Variants in CDK14 observed in about 807,000 individuals in gnomAD.
CDK14 encodes the protein cyclin-dependent kinase 14.
Under a neutral mutation model 60.7 loss-of-function variants are expected in CDK14, and 34 were observed. That is an observed-to-expected ratio of 0.56 (90% CI 0.43 to 0.75). The LOEUF is 0.75. Among genes scored for constraint, CDK14 ranks in the 30% least tolerant of loss-of-function variants. CDK14 has a pLI of 0.00. For synonymous variants in CDK14, 197 were observed against 203.7 expected, an observed-to-expected ratio of 0.97 and a Z score of 0.28; for missense variants, 482 against 564.1, an observed-to-expected ratio of 0.85 and a Z score of 1.47.
chr7:90,733,688 G>A lies in CDK14; in HGVS notation c.369+6876G>A, dbSNP rs771075263. On this transcript the variant is annotated intron_variant, in intron 3 of 14. Transcript: ENST00000380050. ...AAATATTCCTCCATCCCTTTATTTT[G>A]AGTGTATGTGTGTCTTTGCACATGA... Among the ~76,000 whole-genome samples, 75 of 152,176 alleles carry A rather than the reference G, an allele frequency of 4.9e-4. No individual in the cohort carries two copies. The Middle Eastern group carries it at 0.01, about 21-fold the overall frequency.
chr7:90,685,667 TTTTTTTTTG>T, intron 2 of CDK14, among the ~76,000 whole-genome samples: 1 of 146,464 alleles, frequency 6.8e-6, no homozygotes, highest in African/African-American at 2.5e-5. Context: ...TTTTTTTTTT[TTTTTTTTTG>T]TAGAGATGAG....
chr7:90,788,728 C>T (rs756073881), intron 4 of CDK14, among the ~76,000 whole-genome samples: 4 of 152,148 alleles, frequency 2.6e-5, no homozygotes, highest in Admixed American at 6.5e-5. Flanking sequence ...CGAAAGCAGA[C>T]CAAATAGATG....
chr7:91,173,083 T>TC (rs1207238020), intron 14 of CDK14, among the ~76,000 whole-genome samples: 2 of 152,218 alleles, frequency 1.3e-5, no homozygotes, highest in Non-Finnish European at 2.9e-5. Flanking sequence ...ATGTCATCTG[T>TC]CCCCATCTTA....
chr7:91,076,948 A>T (rs1043312411), intron 11 of CDK14, among the ~76,000 whole-genome samples: 6 of 152,168 alleles, frequency 3.9e-5, no homozygotes, highest in Non-Finnish European at 7.4e-5. Flanking sequence ...CCATAATGAG[A>T]CCATCTCATG....
intron 2 of CDK14, among the ~76,000 whole-genome samples, chr7:90,641,082 T>G (rs1800316024): frequency 6.6e-6 from 1 of 150,916 alleles, no homozygotes; most frequent in Non-Finnish European, 1.5e-5. Flanking sequence ...AAAATAATGA[T>G]GAGCTATCTA....
chr7:91,139,865 C>T lies in CDK14; in HGVS notation c.*28+21657C>T, dbSNP rs897762103. 3.4e-4 allele frequency among the ~76,000 whole-genome samples: 48 copies of T among 140,186 alleles called. 1 individual carries two copies. The highest frequency in any genetic ancestry group is 1.5e-4 in the Admixed American group (2 of 13,742). 92.0% of individuals were successfully genotyped at this position (140,186 alleles called of 152,430 possible). On this transcript the variant is annotated intron_variant, in intron 14 of 14. Coordinates refer to ENST00000380050, the MANE Select transcript of CDK14 (RefSeq NM_001287135.2). ...TTCTTCCTTTTTTTCTCTTTATTTT[C>T]CCTCTTTCTCTGTCACCTTTCATTT...
Position 90,717,994 on chromosome 7 carries a change from G to T in CDK14, c.124-8573G>T, listed in dbSNP as rs143621268. Among the ~76,000 whole-genome samples, 729 of 151,762 alleles carry T rather than the reference G, an allele frequency of 4.8e-3. 3 individuals are homozygous for T. The highest frequency in any genetic ancestry group is 0.016 in the African/African-American group (657 of 41,378). On this transcript the variant is annotated intron_variant, in intron 2 of 14. Coordinates refer to ENST00000380050, the MANE Select transcript of CDK14 (RefSeq NM_001287135.2). ...ACAAATTCTACAGTAGCTTATATAA[G>T]AATATATAATAACATATATTTCAGT...
At chr7:91,092,650 G>A (rs1401384702) in intron 12 of CDK14, among the ~76,000 whole-genome samples, 1 of 152,204 alleles carries the variant, frequency 6.6e-6, no homozygotes, top group Non-Finnish European at 1.5e-5. Context: ...AACTCCAGAA[G>A]TACTTTAGGC....
At chr7:91,206,083 C>T (rs1049454269) in intron 14 of CDK14, among the ~76,000 whole-genome samples, 1 of 152,288 alleles carries the variant, frequency 6.6e-6, no homozygotes, top group East Asian at 1.9e-4. Context: ...CATGAGCCAC[C>T]GTGCCCGGCC....
Position 90,596,735 on chromosome 7 carries a change from C to T in CDK14, c.91+17C>T. 6.3e-7 allele frequency: 1 copy of T among 1,594,614 alleles called. No homozygotes were observed. Among genetic ancestry groups the T allele is most frequent in the Non-Finnish European group, 8.6e-7 (1 of 1,164,716 alleles). On this transcript the variant is annotated intron_variant, in intron 1 of 14. Transcript: ENST00000380050. ...GTCGCATTGGTGAGTAGCGCGCTGCCCCCGGCCCCCCCAGCGCCCGCTCCC... is the reference window on the plus strand; with the variant it reads ...GTCGCATTGGTGAGTAGCGCGCTGCTCCCGGCCCCCCCAGCGCCCGCTCCC...
At chr7:91,072,654 G>A (rs997102603) in intron 11 of CDK14, among the ~76,000 whole-genome samples, 5 of 152,082 alleles carry the variant, frequency 3.3e-5, no homozygotes, top group Admixed American at 1.3e-4. Flanking sequence ...CAGCAATGGC[G>A]CAGAACTGGA....
intron 2 of CDK14, among the ~76,000 whole-genome samples, chr7:90,678,348 CA>C (rs1173881251): frequency 6.6e-6 from 1 of 152,156 alleles, no homozygotes; most frequent in Non-Finnish European, 1.5e-5. Context: ...AGACCTTTCC[CA>C]GTCACATCAG....
chr7:90,674,393 T>A (rs1178440295), intron 2 of CDK14, among the ~76,000 whole-genome samples: 1 of 152,098 alleles, frequency 6.6e-6, no homozygotes, highest in African/African-American at 2.4e-5. Context: ...TTATCAGTCT[T>A]GAGAGAGGAT....
At chr7:90,971,851 G>A (rs373630795) in intron 9 of CDK14, among the ~76,000 whole-genome samples, 1 of 152,106 alleles carries the variant, frequency 6.6e-6, no homozygotes, top group Admixed American at 6.6e-5. Context: ...CTTTAAGATT[G>A]TTGGGCTTCT....
At chr7:90,671,538 G>A (rs1801098505) in intron 2 of CDK14, among the ~76,000 whole-genome samples, 1 of 152,136 alleles carries the variant, frequency 6.6e-6, no homozygotes, top group Non-Finnish European at 1.5e-5. Flanking sequence ...AGCACAGAAG[G>A]GAAATCTGTG....
At chr7:90,983,411 G>A (rs1223508860) in intron 9 of CDK14, among the ~76,000 whole-genome samples, 1 of 152,162 alleles carries the variant, frequency 6.6e-6, no homozygotes, top group African/African-American at 2.4e-5. Context: ...CATGTGCGGT[G>A]GCTCATGCCT....
intron 10 of CDK14, among the ~76,000 whole-genome samples, chr7:91,037,118 A>G (rs1289255970): frequency 6.6e-6 from 1 of 152,236 alleles, no homozygotes; most frequent in Admixed American, 6.5e-5. Flanking sequence ...CCCATCTTGA[A>G]CGATCAATTA....
chr7:90,613,285 T>A (rs540861229), intron 2 of CDK14, among the ~76,000 whole-genome samples: 151 of 152,344 alleles, frequency 9.9e-4, no homozygotes, highest in African/African-American at 3.6e-3. Flanking sequence ...AGTAGTGTCC[T>A]CTTTCCGTTG....
intron 1 of CDK14, among the ~76,000 whole-genome samples, chr7:90,599,725 A>ATG (rs1563011422): frequency 1.2e-4 from 19 of 152,310 alleles, no homozygotes; most frequent in African/African-American, 4.3e-4. Context: ...CTCTTTAACC[A>ATG]ATCTAAGCTT....
Sources: allele counts gnomAD v4.1 joint callset (sites outside exome capture counted in the v4.1 genomes callset), GRCh38; gene constraint gnomAD v4.1.1; transcripts MANE v1.5; gene names NCBI Gene and HGNC (gene_info 2026-07-23, HGNC 2026-07-21).